Variants in CDH13 observed in about 807,000 individuals in gnomAD.
CDH13 encodes cadherin 13, also known as cadherin-13.
A neutral mutation model predicts 63.8 loss-of-function variants in CDH13; 24 were observed. The observed-to-expected ratio is 0.38, with a 90% CI of 0.27 to 0.53. CDH13 has a LOEUF of 0.53. CDH13 is among the 20% of genes least tolerant of loss of function. CDH13 has a pLI of 0.85. For synonymous variants in CDH13, 503 were observed against 355.3 expected (o/e 1.42, Z -4.67); for missense variants, 1,049 against 903.1 (o/e 1.16, Z -2.07).
intron 6 of CDH13, among the ~76,000 whole-genome samples, chr16:83,390,415 T>C: frequency 6.6e-6 from 1 of 152,074 alleles, no homozygotes; most frequent in Non-Finnish European, 1.5e-5. Context: ...CAGTAGATCT[T>C]AACCTTATTG....
chr16:83,694,798 C>G (rs1292946242), intron 10 of CDH13, among the ~76,000 whole-genome samples: 1 of 152,198 alleles, frequency 6.6e-6, no homozygotes, highest in Non-Finnish European at 1.5e-5. Flanking sequence ...TCCCTTTGGG[C>G]TGGACTAGGG....
At chr16:82,801,306 T>C (rs1206806704) in intron 1 of CDH13, among the ~76,000 whole-genome samples, 3 of 152,240 alleles carry the variant, frequency 2.0e-5, no homozygotes, top group African/African-American at 7.2e-5. Flanking sequence ...CCACGAATCA[T>C]TGTCCCCTTT....
intron 2 of CDH13, among the ~76,000 whole-genome samples, chr16:82,913,369 G>T (rs1027138062): frequency 1.3e-5 from 2 of 152,134 alleles, no homozygotes; most frequent in African/African-American, 4.8e-5. Context: ...GTTCAGCCAG[G>T]TGCATGTTTT....
intron 1 of CDH13, among the ~76,000 whole-genome samples, chr16:82,769,885 G>A (rs1411204508): frequency 6.6e-6 from 1 of 152,204 alleles, no homozygotes; most frequent in African/African-American, 2.4e-5. Flanking sequence ...AAGTCAGAGA[G>A]GAAATTTGAT....
intron 2 of CDH13, chr16:82,859,705 A>C (rs1413171512): frequency 6.6e-6 from 1 of 151,930 alleles, no homozygotes; most frequent in Non-Finnish European, 1.5e-5. Flanking sequence ...GTCCTATGCT[A>C]TGTGGCTGAC....
intron 3 of CDH13, among the ~76,000 whole-genome samples, chr16:83,085,074 T>C (rs1040917678): frequency 2.6e-5 from 4 of 152,246 alleles, no homozygotes; most frequent in East Asian, 3.9e-4. Context: ...CTTATATTGG[T>C]CTGTTTTCAT....
chr16:82,832,526 T>C (rs755448366), intron 1 of CDH13, among the ~76,000 whole-genome samples: 1 of 152,010 alleles, frequency 6.6e-6, no homozygotes, highest in African/African-American at 2.4e-5. Flanking sequence ...GAAAATACAG[T>C]CTATTAAACA....
intron 6 of CDH13, among the ~76,000 whole-genome samples, chr16:83,451,532 T>G (rs2151511291): frequency 6.6e-6 from 1 of 152,304 alleles, no homozygotes; most frequent in East Asian, 1.9e-4. Flanking sequence ...TTGTTTTTGC[T>G]TTTTTGAGAC....
intron 2 of CDH13, among the ~76,000 whole-genome samples, chr16:82,896,356 A>G (rs34291802): frequency 0.016 from 2,260 of 136,986 alleles, 36 homozygotes; most frequent in Middle Eastern, 0.032. Context: ...CAGTGGCGCT[A>G]TCACAGCTTA....
chr16:82,959,392 T>C (rs764489604), intron 2 of CDH13, among the ~76,000 whole-genome samples: 2 of 152,162 alleles, frequency 1.3e-5, no homozygotes, highest in African/African-American at 2.4e-5. Context: ...CTGTAAAAAT[T>C]TATGACAAAA....
chr16:82,807,196 T>C (rs1641283807), intron 1 of CDH13, among the ~76,000 whole-genome samples: 2 of 151,808 alleles, frequency 1.3e-5, no homozygotes, highest in African/African-American at 4.8e-5. Flanking sequence ...AAAAATGCAA[T>C]GCAGCAATTG....
Position 83,004,898 on chromosome 16 carries a change from C to T in CDH13, c.158-27112C>T, listed in dbSNP as rs546493036. ...CCAAGTAGCATGGATGGAGATGGCA[C>T]TTGTCATCCCCAGGGTGGTATCCTC... On this transcript the variant is annotated intron_variant, in intron 2 of 13. Coordinates refer to ENST00000567109, the MANE Select transcript of CDH13 (RefSeq NM_001257.5). Among the ~76,000 whole-genome samples, 16 of 152,340 alleles carry T rather than the reference C, an allele frequency of 1.1e-4. No homozygotes were observed. In the South Asian group the frequency reaches 3.3e-3, roughly 32 times the overall value.
intron 10 of CDH13, among the ~76,000 whole-genome samples, chr16:83,727,008 C>G (rs909899952): frequency 6.6e-6 from 1 of 152,308 alleles, no homozygotes; most frequent in Admixed American, 6.5e-5. Context: ...TGTATAACAG[C>G]TGTATTGATT....
chr16:82,907,256 T>C (rs2041678564), intron 2 of CDH13, among the ~76,000 whole-genome samples: 1 of 152,146 alleles, frequency 6.6e-6, no homozygotes, highest in Non-Finnish European at 1.5e-5. Context: ...TTAGGTGATA[T>C]GTTTGCAGGA....
At chr16:82,665,510 A>T (rs1219708778) in intron 1 of CDH13, among the ~76,000 whole-genome samples, 1 of 152,230 alleles carries the variant, frequency 6.6e-6, no homozygotes, top group Non-Finnish European at 1.5e-5. Context: ...TGGTGACTTC[A>T]TAGAACATAA....
intron 3 of CDH13, among the ~76,000 whole-genome samples, chr16:83,119,009 T>C (rs1201987256): frequency 1.3e-5 from 2 of 152,202 alleles, no homozygotes; most frequent in Non-Finnish European, 2.9e-5. Flanking sequence ...TTTTCTTCTA[T>C]GCCAGAGTCC....
chr16:83,037,514 A>T (rs1916969065), intron 3 of CDH13, among the ~76,000 whole-genome samples: 1 of 152,234 alleles, frequency 6.6e-6, no homozygotes. Flanking sequence ...AGAAAGAGCC[A>T]GGATCCCGTA....
chr16:83,433,946 G>A (rs1245235279), intron 6 of CDH13, among the ~76,000 whole-genome samples: 2 of 152,030 alleles, frequency 1.3e-5, no homozygotes, highest in African/African-American at 4.8e-5. Context: ...TTGCGTTGGG[G>A]GGGAATCAAT....
intron 2 of CDH13, among the ~76,000 whole-genome samples, chr16:83,010,317 A>G (rs1444853208): frequency 3.9e-5 from 6 of 151,954 alleles, no homozygotes; most frequent in Non-Finnish European, 7.4e-5. Context: ...AGAGGTTAAC[A>G]CTATTTTCAA....
Sources: allele counts gnomAD v4.1 joint callset (sites outside exome capture counted in the v4.1 genomes callset), GRCh38; gene constraint gnomAD v4.1.1; transcripts MANE v1.5; gene names NCBI Gene and HGNC (gene_info 2026-07-23, HGNC 2026-07-21).